The following JMJD1C variants were observed in gnomAD, a reference collection of about 807,000 sequenced individuals.
The protein encoded by JMJD1C is jumonji domain containing 1C.
Under a neutral mutation model 245.3 loss-of-function variants are expected in JMJD1C, and 31 were observed. The ratio of observed to expected loss-of-function variants is 0.13; its 90% confidence interval spans 0.09 to 0.17. JMJD1C has a LOEUF of 0.17. JMJD1C is among the 10% of genes least tolerant of loss of function. The pLI is 1.00. For synonymous variants in JMJD1C, 1,057 were observed against 1,017.4 expected (o/e 1.04, Z -0.74); for missense variants, 2,691 against 3,000.2 (o/e 0.90, Z 2.41).
intron 1 of JMJD1C, among the ~76,000 whole-genome samples, chr10:63,519,035 T>G (rs919114797): frequency 1.3e-5 from 2 of 152,232 alleles, no homozygotes; most frequent in African/African-American, 4.8e-5. Flanking sequence ...TATATGGCTT[T>G]TTAAGTTGTC....
At chr10:63,430,762 A>AT (rs1950698843) in intron 1 of JMJD1C, among the ~76,000 whole-genome samples, 1 of 152,202 alleles carries the variant, frequency 6.6e-6, no homozygotes, top group African/African-American at 2.4e-5. Flanking sequence ...TATCTAATTT[A>AT]TTTATTTTAG....
rs780701316 is a variant in JMJD1C, at chr10:63,167,236, G to A, written c.*809C>T. ...CTGGAAAAAGTCAATTTTTGATAAA[G>A]TCCTTTTAATGGAAAATGTAAAACC... On this transcript the variant is annotated 3_prime_UTR_variant, in exon 26 of 26. Transcript: ENST00000399262. The A allele has an allele frequency of 6.6e-6, 1 of 152,508 alleles. No individual in the cohort carries two copies. The allele number at this position is 152,508 out of a possible 1,614,324, so 9.4% of individuals were successfully genotyped here.
intron 22 of JMJD1C, among the ~76,000 whole-genome samples, chr10:63,178,405 A>C (rs1843067071): frequency 6.6e-6 from 1 of 152,152 alleles, no homozygotes; most frequent in Non-Finnish European, 1.5e-5. Flanking sequence ...GTAAAATTTA[A>C]CCACCTTCCT....
chr10:63,358,278 T>C (rs903793717), intron 2 of JMJD1C, among the ~76,000 whole-genome samples: 27 of 152,138 alleles, frequency 1.8e-4, no homozygotes, highest in African/African-American at 5.8e-4. Flanking sequence ...CCAGAAAAGT[T>C]CTACAACATC....
chr10:63,427,408 G>C (rs1044571567), intron 1 of JMJD1C: 2 of 1,108,378 alleles, frequency 1.8e-6, no homozygotes, highest in Admixed American at 3.6e-5. Flanking sequence ...CTTGACGGAA[G>C]ACACAGTACA....
At chr10:63,364,193 C>T (rs1200931458) in intron 2 of JMJD1C, among the ~76,000 whole-genome samples, 1 of 151,956 alleles carries the variant, frequency 6.6e-6, no homozygotes, top group Non-Finnish European at 1.5e-5. Flanking sequence ...CTTTTATGTA[C>T]AGATGAGGAC....
intron 10 of JMJD1C, among the ~76,000 whole-genome samples, chr10:63,206,259 A>AT (rs1846606828): frequency 6.6e-6 from 1 of 152,228 alleles, no homozygotes; most frequent in South Asian, 2.1e-4. Context: ...TGTGACAGCC[A>AT]TAACTGCATT....
At chr10:63,448,831 C>A (rs1951862003) in intron 1 of JMJD1C, among the ~76,000 whole-genome samples, 1 of 151,930 alleles carries the variant, frequency 6.6e-6, no homozygotes, top group Non-Finnish European at 1.5e-5. Context: ...TAAGATACTT[C>A]AGGAGGTCGG....
chr10:63,195,622 C>A (rs1845372119), intron 13 of JMJD1C, among the ~76,000 whole-genome samples: 1 of 151,976 alleles, frequency 6.6e-6, no homozygotes. Context: ...TGGACAATAA[C>A]CCAAGGCATA....
intron 2 of JMJD1C, among the ~76,000 whole-genome samples, chr10:63,265,168 A>G (rs1855391549): frequency 6.6e-6 from 1 of 151,756 alleles, no homozygotes; most frequent in African/African-American, 2.4e-5. Context: ...AGTAGTTATT[A>G]TTTCAATGTA....
At chr10:63,212,951 G>A (rs925816723) in intron 8 of JMJD1C, among the ~76,000 whole-genome samples, 2 of 151,014 alleles carry the variant, frequency 1.3e-5, no homozygotes, top group Non-Finnish European at 2.9e-5. Flanking sequence ...ACTTTGGGAG[G>A]CCGAGACAGA....
chr10:63,404,214 A>G (rs1949037756), intron 1 of JMJD1C, among the ~76,000 whole-genome samples: 1 of 152,220 alleles, frequency 6.6e-6, no homozygotes, highest in African/African-American at 2.4e-5. Flanking sequence ...ATGAAACGTT[A>G]AAAAGAGTAA....
intron 3 of JMJD1C, among the ~76,000 whole-genome samples, chr10:63,226,794 A>G (rs1162452067): frequency 1.3e-5 from 2 of 151,034 alleles, no homozygotes; most frequent in African/African-American, 4.9e-5. Flanking sequence ...GTGGTGGCTC[A>G]TGCCTGTAAT....
chr10:63,234,705 GGA>G (rs149550729), intron 3 of JMJD1C, among the ~76,000 whole-genome samples: 15,430 of 151,638 alleles, frequency 0.1, 2,215 homozygotes, highest in African/African-American at 0.32. Context: ...GGCCAAGGCG[GGA>G]GGATCACTTG....
upstream of JMJD1C, among the ~76,000 whole-genome samples, chr10:63,470,625 C>T (rs1328384714): frequency 6.6e-6 from 1 of 152,178 alleles, no homozygotes; most frequent in Non-Finnish European, 1.5e-5. Flanking sequence ...AAACACTAGT[C>T]TATTCTTAGT....
At chr10:63,312,517 T>C (rs1374268776) in intron 2 of JMJD1C, among the ~76,000 whole-genome samples, 1 of 152,132 alleles carries the variant, frequency 6.6e-6, no homozygotes, top group African/African-American at 2.4e-5. Context: ...ACCTAAAAAA[T>C]TACTTTTCCC....
chr10:63,244,838 C>A (rs1479169676), intron 3 of JMJD1C, among the ~76,000 whole-genome samples: 1 of 148,850 alleles, frequency 6.7e-6, no homozygotes, highest in Admixed American at 6.7e-5. Context: ...GGGGGGAGAA[C>A]AATTAAAAGA....
intron 24 of JMJD1C, among the ~76,000 whole-genome samples, chr10:63,174,765 CAGAGGTTGCAGTGAGCCA>C (rs1842726027): frequency 1.3e-5 from 2 of 151,842 alleles, no homozygotes; most frequent in African/African-American, 4.8e-5. Context: ...ACCCGGAAGG[CAGAGGTTGCAGTGAGCCA>C]AGATCGCGCC....
upstream of JMJD1C, among the ~76,000 whole-genome samples, chr10:63,466,957 G>A (rs1381519830): frequency 6.6e-6 from 1 of 151,880 alleles, no homozygotes; most frequent in African/African-American, 2.4e-5. Flanking sequence ...TTTTTTATAG[G>A]TAGTCCAATA....
Sources: allele counts gnomAD v4.1 joint callset (sites outside exome capture counted in the v4.1 genomes callset), GRCh38; gene constraint gnomAD v4.1.1; transcripts MANE v1.5; gene names NCBI Gene and HGNC (gene_info 2026-07-23, HGNC 2026-07-21).